LAMB1: variants seen among roughly 807,000 people sequenced by gnomAD.
The protein encoded by LAMB1 is laminin subunit beta 1, also known as laminin subunit beta-1.
Under a neutral mutation model 222.3 loss-of-function variants are expected in LAMB1, and 121 were observed. The ratio of observed to expected loss-of-function variants is 0.54; its 90% CI spans 0.47 to 0.63. The LOEUF is 0.63. Ranked by LOEUF, LAMB1 falls within the 30% of genes least tolerant of loss-of-function variation. The pLI, the probability that LAMB1 is intolerant of heterozygous loss-of-function variation, is 0.00. For missense variants in LAMB1, 2,172 were observed against 2,240.8 expected, an observed-to-expected ratio of 0.97 and a Z score of 0.62; for synonymous variants, 794 against 807.2, an observed-to-expected ratio of 0.98 and a Z score of 0.28.
chr7:107,961,539 TCAC>T lies in LAMB1; in HGVS notation c.1985+7_1985+9del, dbSNP rs2033501161. The T allele has an allele frequency of 1.2e-6, 2 of 1,609,344 alleles. No homozygotes were observed. The highest frequency in any genetic ancestry group is 2.7e-5 in the African/African-American group (2 of 74,812). On this transcript the variant is annotated splice_region_variant and intron_variant, in intron 16 of 33. Coordinates refer to ENST00000222399, the MANE Select transcript of LAMB1 (RefSeq NM_002291.3). ...AGCCCGTTGAGCTGCCAAACCACCG[TCAC>T]ACTGACCTTGAGCCTGGTGATAATG...
intron 24 of LAMB1, among the ~76,000 whole-genome samples, chr7:107,944,375 AGAG>A (rs2033065307): frequency 6.6e-6 from 1 of 152,210 alleles, no homozygotes; most frequent in Admixed American, 6.5e-5. Context: ...AGCCTGGGTA[AGAG>A]TTCCAATGAG....
At position 107,975,115 on chromosome 7, in the gene LAMB1, T is replaced by C. The variant is rs1206029542; in HGVS notation, c.1370-17A>G. ...AAGCACAAGCTGTATTAAAACAAAA[T>C]GAAGTGGAGAAACACAGACCACGTG... is the stretch of plus-strand genomic sequence containing the variant. On this transcript the variant is annotated splice_polypyrimidine_tract_variant and intron_variant, in intron 11 of 33. Coordinates refer to ENST00000222399, the MANE Select transcript of LAMB1 (RefSeq NM_002291.3). The C allele has an allele frequency of 3.2e-6, 5 of 1,569,500 alleles. No individual in the cohort carries two copies. The African/African-American group carries it at 4.1e-5, about 13-fold the overall frequency.
At chr7:107,970,505 A>AGG (rs34610492) in intron 13 of LAMB1, among the ~76,000 whole-genome samples, 2,261 of 108,264 alleles carry the variant, frequency 0.021, 8 homozygotes, top group East Asian at 0.032. Flanking sequence ...AAAAAAAAAA[A>AGG]GGGGGGGGTG....
At chr7:107,927,599 C>G (rs78099809) in intron 31 of LAMB1, among the ~76,000 whole-genome samples, 2,679 of 152,286 alleles carry the variant, frequency 0.018, 109 homozygotes, top group African/African-American at 0.061. Context: ...ACTACAGGCA[C>G]ACACTGCTGC....
At chr7:107,941,305 A>G (rs1431703650) in intron 24 of LAMB1, among the ~76,000 whole-genome samples, 2 of 152,256 alleles carry the variant, frequency 1.3e-5, no homozygotes, top group Non-Finnish European at 2.9e-5. Flanking sequence ...CTGACATTTG[A>G]AAGTATTTAT....
At chr7:107,998,270 C>T (rs2034317335) in intron 4 of LAMB1, 87 bp downstream of exon 4, 14 of 1,343,490 alleles carry the variant, frequency 1.0e-5, no homozygotes, top group Non-Finnish European at 1.5e-5. Flanking sequence ...AGAAGTGAAT[C>T]ATAATTACAA....
rs535788456 is a variant in LAMB1, at chr7:107,975,725, G to A, written c.1153C>T (p.Pro385Ser). ...TTAGGATCTCGGATGTCCCTCTCTG[G>A]GTGCTGGTAGTAAAACGGCTTGCAC... ...EQCKPFYYQH[P>S]ERDIRDPNFC... Residue 385 changes from proline (P) to serine (S), a missense_variant, in exon 10 of 34, where the codon CCA becomes TCA. Physicochemically the swap from Pro to Ser is moderately conservative, Grantham distance 74. Coordinates refer to ENST00000222399, the MANE Select transcript of LAMB1 (RefSeq NM_002291.3). 5.0e-6 allele frequency: 8 copies of A among 1,612,784 alleles called. No homozygotes were observed. The Admixed American group carries it at 6.7e-5, about 13-fold the overall frequency.
chr7:107,981,684 A>G (rs1362244891), intron 7 of LAMB1, among the ~76,000 whole-genome samples: 4 of 152,232 alleles, frequency 2.6e-5, no homozygotes, highest in African/African-American at 9.6e-5. Context: ...GCACAATGCC[A>G]TCTGCTTCCC....
chr7:107,961,819 T>C, intron 15 of LAMB1, 143 bp from the exon 16 acceptor site: 1 of 966,178 alleles, frequency 1.0e-6, no homozygotes, highest in Non-Finnish European at 1.5e-6. Context: ...CTACCTCTGC[T>C]ACTCCCCTGG....
At chr7:107,959,915 C>T in intron 18 of LAMB1, 81 bp from the exon 19 acceptor site, 2 of 1,500,306 alleles carry the variant, frequency 1.3e-6, no homozygotes, top group Non-Finnish European at 1.8e-6. Flanking sequence ...CCTTTAACTA[C>T]TTTGGATTAT....
At chr7:107,996,267 A>T (rs546181129) in intron 4 of LAMB1, among the ~76,000 whole-genome samples, 7 of 152,348 alleles carry the variant, frequency 4.6e-5, no homozygotes, top group Admixed American at 2.0e-4. Context: ...TTCCATTTAG[A>T]TTTATAACCT....
At chr7:107,931,304 A>G in intron 29 of LAMB1, 52 bp downstream of exon 29, 1 of 1,500,698 alleles carries the variant, frequency 6.7e-7, no homozygotes, top group South Asian at 1.2e-5. Context: ...AAATGTAAAC[A>G]GAGAATCACA....
intron 9 of LAMB1, among the ~76,000 whole-genome samples, chr7:107,976,347 G>A (rs28490943): frequency 0.081 from 12,245 of 152,100 alleles, 865 homozygotes; most frequent in African/African-American, 0.19. Context: ...TCCCTTCTCC[G>A]TATTCCCATA....
At chr7:107,959,150 G>T in intron 20 of LAMB1, 99 bp downstream of exon 20, 7 of 900,966 alleles carry the variant, frequency 7.8e-6, no homozygotes, top group Non-Finnish European at 1.1e-5. Flanking sequence ...ATGAATGAGC[G>T]AGCTGAAGCC....
intron 24 of LAMB1, chr7:107,950,965 TACAC>T (rs765155721): frequency 3.7e-5 from 13 of 354,624 alleles, no homozygotes; most frequent in Middle Eastern, 8.6e-4. Flanking sequence ...TGTGTGTGCT[TACAC>T]ACAGAAACAA....
At position 107,960,179 on chromosome 7, in the gene LAMB1, A is replaced by G. The variant is rs541407578; in HGVS notation, c.2314+266T>C. ...TCTCTGATTCCATTCCCCTCTCCCT[A>G]CCCTGCTTATGGAAATGCTTTATCC... On this transcript the variant is annotated intron_variant, in intron 18 of 33. Transcript: ENST00000222399. Among the ~76,000 whole-genome samples the G allele has an allele frequency of 4.0e-4, 61 of 152,044 alleles. 1 individual carries two copies. The highest frequency in any genetic ancestry group is 6.8e-3 in the Middle Eastern group (2 of 294).
chr7:107,999,047 A>C (rs2034332131), intron 3 of LAMB1, among the ~76,000 whole-genome samples: 1 of 152,224 alleles, frequency 6.6e-6, no homozygotes, highest in Admixed American at 6.5e-5. Flanking sequence ...ATGCAGGCTA[A>C]CCTGCAAATT....
chr7:107,996,301 T>A (rs148953157), intron 4 of LAMB1, among the ~76,000 whole-genome samples: 231 of 152,292 alleles, frequency 1.5e-3, no homozygotes, highest in African/African-American at 5.2e-3. Context: ...AGGCTTTTTT[T>A]TATATGGGAA....
At chr7:107,944,599 G>C (rs1037418920) in intron 24 of LAMB1, among the ~76,000 whole-genome samples, 6 of 152,136 alleles carry the variant, frequency 3.9e-5, no homozygotes, top group Admixed American at 3.9e-4. Flanking sequence ...TGAAGCCCCT[G>C]GTCATGTGCT....
Sources: gnomAD v4.1 joint callset for allele counts (sites outside exome capture counted in the v4.1 genomes callset) on GRCh38, gnomAD v4.1.1 for gene constraint, MANE v1.5 for transcripts, NCBI Gene and HGNC (gene_info 2026-07-23, HGNC 2026-07-21) for gene names.